Variants in NXPE4 observed in about 807,000 individuals in gnomAD.
NXPE4 encodes the protein neurexophilin and PC-esterase domain family member 4.
NXPE4 carries 42 observed loss-of-function variants against 33.3 expected under a neutral mutation model. That is an observed-to-expected ratio of 1.26 (90% CI 0.98 to 1.63). The LOEUF (loss-of-function observed/expected upper bound fraction) is 1.63, where lower values mean the gene tolerates loss of function less well. NXPE4 is among the 40% of genes most tolerant of loss of function. NXPE4 has a pLI of 0.00. For missense variants in NXPE4, 709 were observed against 647.6 expected (o/e 1.09, Z -1.03); for synonymous variants, 253 against 234.9 (o/e 1.08, Z -0.71).
At chr11:114,634,320 T>G in the NXPE4 span, among the ~76,000 whole-genome samples, 1 of 152,120 alleles carries the variant, frequency 6.6e-6, no homozygotes, top group South Asian at 2.1e-4. Flanking sequence ...GTTTGTTATT[T>G]TCTTGTAAAT....
chr11:114,601,612 AT>A, the NXPE4 span, among the ~76,000 whole-genome samples: 2 of 2,082 alleles, frequency 9.6e-4, no homozygotes, highest in Non-Finnish European at 2.7e-3. Flanking sequence ...ATTATATATA[AT>A]TATATATTAT....
the NXPE4 span, among the ~76,000 whole-genome samples, chr11:114,613,015 C>T: frequency 6.6e-6 from 1 of 151,890 alleles, no homozygotes; most frequent in South Asian, 2.1e-4. Flanking sequence ...AGTGTTGCCT[C>T]TAGGGTAACC....
rs766558030 is a variant in NXPE4 at position 114,571,089 on chromosome 11, T to G, written c.1484A>C (p.Gln495Pro). The G allele has an allele frequency of 2.5e-6, 4 of 1,614,008 alleles. No homozygotes were observed. Among genetic ancestry groups the G allele is most frequent in the Non-Finnish European group, 3.4e-6 (4 of 1,179,920 alleles). ...GAAAATGTCCTTTATGATGAGATAT[T>G]GAATGTAACCATGAAAGTCACTAAA... Reference protein sequence around the residue: ...ERFSDFHGYIQYLIIKDIFQD... With the variant: ...ERFSDFHGYIPYLIIKDIFQD... The change falls in exon 6 of 6, where the codon CAA becomes CCA. Residue 495 changes from glutamine to proline, a missense_variant. By Grantham distance (76) the Gln-to-Pro change is moderately conservative (BLOSUM62 -1). Coordinates refer to ENST00000375478, the MANE Select transcript of NXPE4 (RefSeq NM_001077639.2).
At chr11:114,629,147 A>C in the NXPE4 span, among the ~76,000 whole-genome samples, 1 of 152,148 alleles carries the variant, frequency 6.6e-6, no homozygotes, top group Non-Finnish European at 1.5e-5. Flanking sequence ...ATAGAAAAAG[A>C]GGGAACCCTC....
the NXPE4 span, among the ~76,000 whole-genome samples, chr11:114,642,276 A>G: frequency 1.3e-5 from 2 of 151,992 alleles, no homozygotes; most frequent in Non-Finnish European, 2.9e-5. Flanking sequence ...CAATTGAGGG[A>G]TACTGTTTAT....
the NXPE4 span, among the ~76,000 whole-genome samples, chr11:114,618,035 TG>T: frequency 6.6e-6 from 1 of 151,968 alleles, no homozygotes; most frequent in Non-Finnish European, 1.5e-5. Flanking sequence ...TGTTGCCTCG[TG>T]GGTAACAACT....
chr11:114,582,310 G>C lies in NXPE4; in HGVS notation c.808C>G (p.Gln270Glu). 6.3e-7 allele frequency: 1 copy of C among 1,581,698 alleles called. No homozygotes were observed. The highest frequency in any genetic ancestry group is 2.2e-5 in the East Asian group (1 of 44,522). Reference protein sequence around the residue: ...KNKKVSYLSKQEKSLFERSNV... With the variant: ...KNKKVSYLSKEEKSLFERSNV... ...TACCTTTCAAAGAGGCTCTTTTCTT[G>C]TTTGCTAAGATAAGAAACTTTCTTG... Residue 270 changes from glutamine to glutamate, a missense_variant, in exon 3 of 6, where the codon CAA (glutamine) becomes GAA (glutamate). By Grantham distance (29) the Gln-to-Glu change is conservative. Coordinates refer to ENST00000375478, the MANE Select transcript of NXPE4 (RefSeq NM_001077639.2).
chr11:114,634,538 C>A, the NXPE4 span, among the ~76,000 whole-genome samples: 1 of 151,980 alleles, frequency 6.6e-6, no homozygotes, highest in Admixed American at 6.6e-5. Context: ...AGTCCTTGCC[C>A]ATGCCTATGT....
At chr11:114,581,015 T>C (rs1949132606) in intron 4 of NXPE4, among the ~76,000 whole-genome samples, 1 of 152,210 alleles carries the variant, frequency 6.6e-6, no homozygotes. Context: ...ATGAGTGTAC[T>C]CATGTATGTG....
chr11:114,641,310 A>G, the NXPE4 span, among the ~76,000 whole-genome samples: 1,057 of 152,178 alleles, frequency 6.9e-3, 6 homozygotes, highest in Non-Finnish European at 0.011. Flanking sequence ...TAAAAAATCC[A>G]GTGAAAAGTG....
chr11:114,623,917 C>A, the NXPE4 span, among the ~76,000 whole-genome samples: 1 of 152,002 alleles, frequency 6.6e-6, no homozygotes, highest in Non-Finnish European at 1.5e-5. Flanking sequence ...TCATTGCTAC[C>A]CAGTGGATAA....
the NXPE4 span, among the ~76,000 whole-genome samples, chr11:114,640,091 A>G: frequency 2.2e-5 from 2 of 92,760 alleles, no homozygotes; most frequent in Non-Finnish European, 4.3e-5. Flanking sequence ...ATAATGTAAT[A>G]TAATATATGA....
At chr11:114,577,329 C>T (rs1949033541) in intron 5 of NXPE4, among the ~76,000 whole-genome samples, 1 of 151,590 alleles carries the variant, frequency 6.6e-6, no homozygotes, top group African/African-American at 2.4e-5. Flanking sequence ...TGTTCTCACT[C>T]ATATGTGGGA....
the NXPE4 span, among the ~76,000 whole-genome samples, chr11:114,601,892 T>A: frequency 2.3e-5 from 1 of 44,268 alleles, no homozygotes; most frequent in Non-Finnish European, 4.6e-5. Flanking sequence ...AATTATATAT[T>A]ATATTTATAT....
At chr11:114,655,781 G>C in the NXPE4 span, among the ~76,000 whole-genome samples, 3 of 152,078 alleles carry the variant, frequency 2.0e-5, no homozygotes, top group Admixed American at 1.3e-4. Context: ...AACAAACTAG[G>C]TATTGATGGA....
rs768766364 is a variant in NXPE4, at chr11:114,594,639, A to G, written c.96+25T>C. On this transcript the variant is annotated intron_variant, in intron 2 of 5. Coordinates refer to ENST00000375478, the MANE Select transcript of NXPE4 (RefSeq NM_001077639.2). ...AATAAGCAAAAATAAGCTTCTGTAA[A>G]CCACATAAATAAAGCATTTCCTACC... 228 of 1,456,258 alleles carry G rather than the reference A, an allele frequency of 1.6e-4. 2 individuals carry two copies. The highest frequency in any genetic ancestry group is 7.0e-4 in the South Asian group (59 of 84,704). 90.2% of individuals were successfully genotyped at this position (1,456,258 alleles called of 1,614,324 possible). A position where few individuals can be genotyped will look rare whatever the true frequency, so the allele number is the denominator to read the frequency against.
At chr11:114,578,963 A>G (rs969344780) in intron 5 of NXPE4, among the ~76,000 whole-genome samples, 3 of 152,182 alleles carry the variant, frequency 2.0e-5, no homozygotes, top group East Asian at 1.9e-4. Flanking sequence ...ACTTCATTTA[A>G]TCTTCTATAC....
chr11:114,585,501 G>T (rs1242900248), intron 2 of NXPE4, among the ~76,000 whole-genome samples: 2 of 151,852 alleles, frequency 1.3e-5, no homozygotes, highest in East Asian at 1.9e-4. Flanking sequence ...AGATAAATTG[G>T]ATTTAAGTCA....
At position 114,582,729 on chromosome 11, in the gene NXPE4, C is replaced by G; in HGVS notation, c.389G>C (p.Arg130Thr). 1 of 1,614,182 alleles carries G rather than the reference C, an allele frequency of 6.2e-7. No homozygotes were observed. The highest frequency in any genetic ancestry group is 8.5e-7 in the Non-Finnish European group (1 of 1,180,022). The change falls in exon 3 of 6, where the codon AGG (arginine) becomes ACG (threonine). Residue 130 changes from arginine to threonine, a missense_variant. By Grantham distance (71) the Arg-to-Thr change is moderately conservative (BLOSUM62 -1). Transcript: ENST00000375478. Reference protein sequence around the residue: ...LLEVRDHLGRRKQYGGDFLRA... With the variant: ...LLEVRDHLGRTKQYGGDFLRA... ...CAGGAAATCCCCGCCATATTGCTTC[C>G]TGCGTCCCAAGTGGTCCCTCACCTC...
Sources: gnomAD v4.1 joint callset for allele counts (sites outside exome capture counted in the v4.1 genomes callset) on GRCh38, gnomAD v4.1.1 for gene constraint, MANE v1.5 for transcripts, NCBI Gene and HGNC (gene_info 2026-07-23, HGNC 2026-07-21) for gene names.